Variants in IMPA2 observed in about 807,000 individuals in gnomAD.
The protein encoded by IMPA2 is inositol monophosphatase 2.
A neutral mutation model predicts 35.1 loss-of-function variants in IMPA2; 32 were observed. The observed-to-expected ratio is 0.91, with a 90% CI of 0.69 to 1.23. The LOEUF is 1.23. Among genes scored for constraint, IMPA2 ranks in the 50% most tolerant of loss-of-function variants. The pLI, the probability that IMPA2 is intolerant of heterozygous loss-of-function variation, is 0.00. For missense variants in IMPA2, 334 were observed against 387.6 expected (o/e 0.86, Z 1.16); for synonymous variants, 135 against 160.6 (o/e 0.84, Z 1.20).
At position 12,028,045 on chromosome 18, in the gene IMPA2, C is replaced by T. The variant is rs767421989; in HGVS notation, c.493C>T (p.Leu165Phe). ...QRLRVSGETD[L>F]SKALVLTEIG... Reference sequence around the variant, plus strand: ...ACAGGAAATTCTTTTTATTGCAGATCTCTCAAAGGCCTTGGTTCTGACAGA... The same window carrying T: ...ACAGGAAATTCTTTTTATTGCAGATTTCTCAAAGGCCTTGGTTCTGACAGA... The change falls in exon 6 of 8, where the codon CTC becomes TTC. Residue 165 changes from leucine to phenylalanine, a missense_variant and splice_region_variant. By Grantham distance (22) the Leu-to-Phe change is conservative. Transcript: ENST00000269159. The T allele has an allele frequency of 6.2e-7, 1 of 1,608,390 alleles. No homozygotes were observed. Among genetic ancestry groups the T allele is most frequent in the South Asian group, 1.1e-5 (1 of 90,960 alleles).
intron 2 of IMPA2, chr18:12,008,656 G>T (rs1178629415): frequency 1.2e-5 from 5 of 427,456 alleles, no homozygotes; most frequent in Admixed American, 9.8e-5. Flanking sequence ...TGTGGGTGGG[G>T]TGCAGGAGGA....
intron 2 of IMPA2, among the ~76,000 whole-genome samples, chr18:12,005,868 T>C (rs1054083119): frequency 6.6e-6 from 1 of 152,182 alleles, no homozygotes; most frequent in African/African-American, 2.4e-5. Context: ...TGAAGTCAGG[T>C]TTAAAAAGGA....
At chr18:12,023,561 C>G (rs112360898) in intron 5 of IMPA2, among the ~76,000 whole-genome samples, 2 of 152,214 alleles carry the variant, frequency 1.3e-5, no homozygotes, top group Non-Finnish European at 2.9e-5. Context: ...CTGGCACTGG[C>G]GGACTTTCCT....
chr18:11,996,115 A>G (rs1906952082), intron 1 of IMPA2, among the ~76,000 whole-genome samples: 1 of 152,216 alleles, frequency 6.6e-6, no homozygotes, highest in Non-Finnish European at 1.5e-5. Flanking sequence ...GGATGGTTTC[A>G]GATGGGATAT....
At position 12,028,837 on chromosome 18, in the gene IMPA2, C is replaced by T. The variant is rs1214726081; in HGVS notation, c.600-5C>T. On this transcript the variant is annotated splice_polypyrimidine_tract_variant and splice_region_variant and intron_variant, in intron 6 of 7. Coordinates refer to ENST00000269159, the MANE Select transcript of IMPA2 (RefSeq NM_014214.3). ...CTGCATCTGTCCTCCCTTCCCTCTC[C>T]CCAGGGTCCGAGTGATTGGAAGCTC... The T allele has an allele frequency of 1.4e-5, 22 of 1,613,558 alleles. No individual in the cohort carries two copies. Among genetic ancestry groups the T allele is most frequent in the Non-Finnish European group, 1.7e-5 (20 of 1,179,820 alleles).
rs1203877060 is a variant in IMPA2, at chr18:12,010,406, C to T, written c.335+419C>T. On this transcript the variant is annotated intron_variant, in intron 3 of 7. Coordinates refer to ENST00000269159, the MANE Select transcript of IMPA2 (RefSeq NM_014214.3). This position sits in a 1 kb window ranked among gnomAD's most constrained non-coding sequence, Gnocchi z 4.8. The stretch of plus-strand genomic sequence containing the variant: ...CAGGTGAGACTTGAGAGCCAGCTTC[C>T]TGTATGAGAGCAAACCTTGTGGTTA... Among the ~76,000 whole-genome samples the T allele has an allele frequency of 1.3e-5, 2 of 152,140 alleles. No individual in the cohort carries two copies. Among genetic ancestry groups the T allele is most frequent in the Non-Finnish European group, 2.9e-5 (2 of 68,032 alleles).
chr18:12,009,967 C>T lies in IMPA2; in HGVS notation c.315C>T (p.Gly105=). Residue 105 remains glycine, a synonymous_variant, in exon 3 of 8, where the codon GGC becomes GGT. Coordinates refer to ENST00000269159, the MANE Select transcript of IMPA2 (RefSeq NM_014214.3). Reference sequence around the variant, plus strand: ...CGTGGATCATCGACCCCATCGACGGCACCTGCAATTTTGTGCACAGGTGAG... The same window carrying T: ...CGTGGATCATCGACCCCATCGACGGTACCTGCAATTTTGTGCACAGGTGAG... ...SPTWIIDPID[G]TCNFVHRFPT... 1.2e-6 allele frequency: 2 copies of T among 1,613,956 alleles called. No homozygotes were observed. The highest frequency in any genetic ancestry group is 1.7e-6 in the Non-Finnish European group (2 of 1,179,964).
At chr18:11,981,974 C>T (rs1371265541) in intron 1 of IMPA2, among the ~76,000 whole-genome samples, 5 of 152,226 alleles carry the variant, frequency 3.3e-5, no homozygotes, top group Non-Finnish European at 7.3e-5. Flanking sequence ...GGAGCCCTGG[C>T]GGCGAGCCCC....
intron 2 of IMPA2, among the ~76,000 whole-genome samples, chr18:12,004,207 C>G (rs1163175934): frequency 6.6e-6 from 1 of 152,114 alleles, no homozygotes; most frequent in East Asian, 1.9e-4. Context: ...TAAATCATCT[C>G]CTTTGTGGAC....
intron 1 of IMPA2, among the ~76,000 whole-genome samples, chr18:11,982,357 T>A (rs1365174816): frequency 1.3e-5 from 2 of 152,194 alleles, no homozygotes; most frequent in African/African-American, 2.4e-5. Context: ...GCAGTTCCTC[T>A]CTTCTCTTTT....
chr18:11,996,728 A>C (rs186670812), intron 1 of IMPA2, among the ~76,000 whole-genome samples: 1 of 152,262 alleles, frequency 6.6e-6, no homozygotes, highest in African/African-American at 2.4e-5. Context: ...TGTGCAGCAC[A>C]GTCTGCCCTT....
chr18:12,018,522 T>C (rs568877507), intron 5 of IMPA2, among the ~76,000 whole-genome samples: 5 of 152,348 alleles, frequency 3.3e-5, no homozygotes, highest in African/African-American at 1.2e-4. Context: ...TTCTCTAGTA[T>C]AGCATTTTTA....
chr18:11,990,731 AG>A (rs59217140), intron 1 of IMPA2, among the ~76,000 whole-genome samples: 57,566 of 151,854 alleles, frequency 0.38, 12,269 homozygotes, highest in East Asian at 0.61. Flanking sequence ...TGAGCTGGAG[AG>A]GGATTAGGAA....
intron 5 of IMPA2, among the ~76,000 whole-genome samples, chr18:12,026,523 G>A (rs1235842047): frequency 2.0e-5 from 3 of 152,144 alleles, no homozygotes; most frequent in South Asian, 2.1e-4. Flanking sequence ...CTTCTTGAGC[G>A]CTGGCATTTG....
At chr18:12,011,151 G>A (rs1907421886) in intron 3 of IMPA2, among the ~76,000 whole-genome samples, 1 of 152,220 alleles carries the variant, frequency 6.6e-6, no homozygotes, top group Non-Finnish European at 1.5e-5. Context: ...TGGCTCCAGA[G>A]ACATAGTTTC....
chr18:12,002,320 T>G (rs1907135252), intron 2 of IMPA2, among the ~76,000 whole-genome samples: 2 of 152,216 alleles, frequency 1.3e-5, no homozygotes, highest in Admixed American at 6.5e-5. Flanking sequence ...ATTTTAGTCT[T>G]TCATGAAATG....
chr18:11,983,137 AAG>A (rs145465917), intron 1 of IMPA2, among the ~76,000 whole-genome samples: 11,884 of 152,212 alleles, frequency 0.078, 742 homozygotes, highest in South Asian at 0.27. Flanking sequence ...GAATGAATTT[AAG>A]AGTGTTGCGA....
In IMPA2 at chr18:12,009,970, CTGCAATTTTG is replaced by C; in HGVS notation, c.323_332del (p.Asn108ThrfsTer22). ...GGATCATCGACCCCATCGACGGCAC[CTGCAATTTTG>C]TGCACAGGTGAGCTGAGCAGGGATC... On this transcript the variant is annotated frameshift_variant, in exon 3 of 8. Coordinates refer to ENST00000269159, the MANE Select transcript of IMPA2 (RefSeq NM_014214.3). LOFTEE classifies it high-confidence loss of function. The C allele has an allele frequency of 6.2e-7, 1 of 1,613,874 alleles. No homozygotes were observed. Among genetic ancestry groups the C allele is most frequent in the Non-Finnish European group, 8.5e-7 (1 of 1,179,958 alleles).
intron 1 of IMPA2, among the ~76,000 whole-genome samples, chr18:11,989,677 C>G (rs1259846348): frequency 6.6e-6 from 1 of 152,180 alleles, no homozygotes; most frequent in Non-Finnish European, 1.5e-5. Context: ...GCAGCCTCAT[C>G]CCAGCCCTTG....
Sources: gnomAD v4.1 joint callset for allele counts (sites outside exome capture counted in the v4.1 genomes callset) on GRCh38, gnomAD v4.1.1 for gene constraint, Gnocchi (gnomAD v3.1) non-coding constraint, MANE v1.5 for transcripts, NCBI Gene and HGNC (gene_info 2026-07-23, HGNC 2026-07-21) for gene names.